NEB: variants seen among roughly 807,000 people sequenced by gnomAD.
NEB encodes nebulin, also known as nemaline myopathy type 2.
A neutral mutation model predicts 952.2 loss-of-function variants in NEB; 512 were observed. The ratio of observed to expected loss-of-function variants is 0.54; its 90% CI spans 0.50 to 0.58. NEB has a LOEUF of 0.58. Among genes scored for constraint, NEB ranks in the 20% least tolerant of loss-of-function variants. The pLI is 0.00. For synonymous variants in NEB, 2,900 were observed against 3,149.8 expected (o/e 0.92, Z 2.66); for missense variants, 8,428 against 9,231.1 (o/e 0.91, Z 3.56).
At chr2:151,493,639 T>C in intron 175 of NEB, 136 bp downstream of exon 175, 1 of 829,282 alleles carries the variant, frequency 1.2e-6, no homozygotes. Context: ...GGTTGGTTTG[T>C]TGTTTTTAAG....
chr2:151,560,706 G>A lies in NEB; in HGVS notation c.19207-7C>T, dbSNP rs1188184035. The A allele has an allele frequency of 6.3e-7, 1 of 1,598,096 alleles. No homozygotes were observed. The highest frequency in any genetic ancestry group is 1.7e-5 in the Admixed American group (1 of 58,862). On this transcript the variant is annotated splice_region_variant and splice_polypyrimidine_tract_variant and intron_variant, in intron 123 of 181. Coordinates refer to ENST00000397345, the MANE Select transcript of NEB (RefSeq NM_001164508.2). Reference sequence around the variant, plus strand: ...AGGCCTCCTTGTACAGGTTCTGCAGGAATTAAAGACCTTCTTGTGAATATG... The same window carrying A: ...AGGCCTCCTTGTACAGGTTCTGCAGAAATTAAAGACCTTCTTGTGAATATG...
Position 151,614,297 on chromosome 2 carries a change from CT to C in NEB, c.11579del (p.Lys3860ArgfsTer18). 3 of 1,613,772 alleles carry C rather than the reference CT, an allele frequency of 1.9e-6. No individual in the cohort carries two copies. The highest frequency in any genetic ancestry group is 2.5e-6 in the Non-Finnish European group (3 of 1,179,716). ...TCACATCACTCTGCAGGTCATAGGC[CT>C]TCCGAGCCTGAATGACGTCATTCTG... ...PDQNDVIQAR[K>X]AYDLQSDAIY... On this transcript the variant is annotated frameshift_variant, in exon 77 of 182. Coordinates refer to ENST00000397345, the MANE Select transcript of NEB (RefSeq NM_001164508.2). LOFTEE classifies it high-confidence loss of function.
intron 9 of NEB, among the ~76,000 whole-genome samples, chr2:151,720,063 T>C (rs2099770075): frequency 6.6e-6 from 1 of 152,114 alleles, no homozygotes; most frequent in African/African-American, 2.4e-5. Flanking sequence ...AGTCCTAATT[T>C]CTCAGGAACC....
intron 27 of NEB, among the ~76,000 whole-genome samples, chr2:151,685,610 A>G (rs1332680013): frequency 6.6e-6 from 1 of 152,226 alleles, no homozygotes; most frequent in African/African-American, 2.4e-5. Flanking sequence ...AAACTGAGCC[A>G]TTAAAATAAC....
rs777125749 is a variant in NEB, at chr2:151,546,012, A to AAC, written c.20467-15_20467-14insGT. On this transcript the variant is annotated splice_polypyrimidine_tract_variant and intron_variant, in intron 134 of 181. Transcript: ENST00000397345. ...TAGGTAATTAGACTTAAAAAAAAAA[A>AAC]AAAAAACAGAAATACAAGTTGATTA... The AAC allele has an allele frequency of 4.2e-6, 6 of 1,415,000 alleles. No homozygotes were observed. The highest frequency in any genetic ancestry group is 4.9e-6 in the Non-Finnish European group (5 of 1,025,394). The allele number at this position is 1,415,000 out of a possible 1,614,324, so 87.7% of individuals were successfully genotyped here.
rs2154172676 is a variant in NEB, at chr2:151,663,754, G to A, written c.5557C>T (p.Gln1853Ter). Reference sequence around the variant, plus strand: ...CCCTTCTTGTATTCCCGGTCTGACTGCATCTTGGCCACTTGCATGAAGTGC... The same window carrying A: ...CCCTTCTTGTATTCCCGGTCTGACTACATCTTGGCCACTTGCATGAAGTGC... ...LVHFMQVAKM[Q>*]SDREYKKGYE... is the part of the protein sequence containing the mutation. Residue 1853 changes from glutamine to a stop codon, truncating the protein, a stop_gained, in exon 45 of 182, where the codon CAG becomes TAG. Transcript: ENST00000397345. LOFTEE classifies it high-confidence loss of function. 4 of 1,613,856 alleles carry A rather than the reference G, an allele frequency of 2.5e-6. No individual in the cohort carries two copies. Among genetic ancestry groups the A allele is most frequent in the Non-Finnish European group, 3.4e-6 (4 of 1,179,812 alleles).
intron 155 of NEB, 51 bp downstream of exon 155, chr2:151,518,914 A>G: frequency 7.9e-7 from 1 of 1,264,682 alleles, no homozygotes; most frequent in Non-Finnish European, 1.2e-6. Flanking sequence ...GAAAGAATTT[A>G]GTTCCAAATG....
rs373705550 is a variant in NEB, at chr2:151,687,673, C to T, written c.2476G>A (p.Ala826Thr). ...GCTTTGGCTGCCAACAGGGGAATGGCGTCCACTTTAATGTCAAACTTCTTG... is the reference window on the plus strand; with the variant it reads ...GCTTTGGCTGCCAACAGGGGAATGGTGTCCACTTTAATGTCAAACTTCTTG... ...KAKKFDIKVD[A>T]IPLLAAKANT... The change falls in exon 26 of 182, where the codon GCC becomes ACC. Residue 826 changes from alanine to threonine, a missense_variant. Transcript: ENST00000397345. 8.7e-6 allele frequency: 14 copies of T among 1,608,354 alleles called. No homozygotes were observed. Among genetic ancestry groups the T allele is most frequent in the Middle Eastern group, 1.7e-4 (1 of 6,056 alleles).
intron 92 of NEB, among the ~76,000 whole-genome samples, chr2:151,595,385 G>C (rs1479151519): frequency 2.0e-5 from 3 of 152,264 alleles, no homozygotes; most frequent in Non-Finnish European, 4.4e-5. Context: ...CTGAGTAGCT[G>C]GGATTACAGG....
chr2:151,525,352 C>A, intron 150 of NEB, 79 bp from the exon 151 acceptor site: 1 of 1,016,464 alleles, frequency 9.8e-7, no homozygotes, highest in African/African-American at 1.6e-5. Flanking sequence ...TGTGAAATCT[C>A]CAGGAAAATC....
At chr2:151,647,473 T>C (rs1200264173) in intron 54 of NEB, among the ~76,000 whole-genome samples, 4 of 152,220 alleles carry the variant, frequency 2.6e-5, no homozygotes, top group African/African-American at 2.4e-5. Flanking sequence ...CCCTGCCAGA[T>C]TACTTATCAA....
At chr2:151,677,476 G>A in intron 34 of NEB, 89 bp downstream of exon 34, 1 of 938,196 alleles carries the variant, frequency 1.1e-6, no homozygotes, top group Non-Finnish European at 1.5e-6. Context: ...GAAAGATATT[G>A]GCCCAGAAAA....
Position 151,526,185 on chromosome 2 carries a change from C to T in NEB, c.22023G>A (p.Ala7341=), listed in dbSNP as rs533246582. The T allele has an allele frequency of 8.7e-6, 14 of 1,613,928 alleles. No individual in the cohort carries two copies. In the South Asian group the frequency reaches 9.9e-5, roughly 11 times the overall value. ...CAGACACCAGGTTGCTGACAGTCTT[C>T]GCCAGCAGGATCTGAGGCGTGTCAG... ...AVPDTPQILL[A]KTVSNLVSEN... is the part of the protein sequence containing the mutation. Residue 7341 remains alanine, a synonymous_variant, in exon 149 of 182, where the codon GCG becomes GCA. Coordinates refer to ENST00000397345, the MANE Select transcript of NEB (RefSeq NM_001164508.2).
In NEB at chr2:151,627,004, T is replaced by C; in HGVS notation, c.10345A>G (p.Lys3449Glu). The change falls in exon 70 of 182, where the codon AAG becomes GAG. Residue 3449 changes from lysine to glutamate, a missense_variant and splice_region_variant. Coordinates refer to ENST00000397345, the MANE Select transcript of NEB (RefSeq NM_001164508.2). The part of the protein sequence containing the change: ...LAKNNALNMN[K>E]RLYTEAWDKD... ...TTTCCTACAAATTGGGGGCTCACCT[T>C]GTTCATATTGAGAGCATTGTTCTTG... 1.2e-6 allele frequency: 2 copies of C among 1,613,914 alleles called. No homozygotes were observed. Among genetic ancestry groups the C allele is most frequent in the Non-Finnish European group, 1.7e-6 (2 of 1,179,818 alleles).
intron 24 of NEB, chr2:151,689,809 C>T (rs542983606): frequency 6.6e-6 from 1 of 152,236 alleles, no homozygotes; most frequent in Admixed American, 6.5e-5. Flanking sequence ...TATTGGGACA[C>T]AAAATATTAA....
chr2:151,497,751 C>G (rs1187607538), intron 170 of NEB, 33 bp from the exon 171 acceptor site: 4 of 1,553,596 alleles, frequency 2.6e-6, no homozygotes. Context: ...GAAAAACAAC[C>G]ATGAGTAACA....
chr2:151,540,397 G>A lies in NEB; in HGVS notation c.20839C>T (p.Pro6947Ser). The A allele has an allele frequency of 6.3e-7, 1 of 1,584,594 alleles. No individual in the cohort carries two copies. The highest frequency in any genetic ancestry group is 8.6e-7 in the Non-Finnish European group (1 of 1,163,538). The change falls in exon 138 of 182, where the codon CCA becomes TCA. Residue 6947 changes from proline (P) to serine (S), a missense_variant. Around this residue, in one of 11 missense-constraint regions of NEB, gnomAD observed 3,374 missense variants for 3,651.5 expected, o/e 0.92. Transcript: ENST00000397345. ...GCTCTGATGAGGATTGGCGTATCTG[G>A]AACCGGAGTGTACTTGTCTTTCATC... ...EKMKDKYTPV[P>S]DTPILIRAKR...
intron 143 of NEB, among the ~76,000 whole-genome samples, chr2:151,533,007 G>A (rs1280430837): frequency 6.6e-6 from 1 of 152,150 alleles, no homozygotes; most frequent in Non-Finnish European, 1.5e-5. Context: ...TCATAGAGCT[G>A]CACGGTAATC....
chr2:151,619,427 A>G, intron 73 of NEB, 24 bp downstream of exon 73: 1 of 1,563,004 alleles, frequency 6.4e-7, no homozygotes, highest in Non-Finnish European at 8.7e-7. Context: ...TTTAACATGC[A>G]GAGCTAACAT....
Sources: allele counts gnomAD v4.1 joint callset (sites outside exome capture counted in the v4.1 genomes callset), GRCh38; gene constraint gnomAD v4.1.1; regional missense constraint gnomAD v4.1.1; transcripts MANE v1.5; gene names NCBI Gene and HGNC (gene_info 2026-07-23, HGNC 2026-07-21).